The following RSRC1 variants were observed in gnomAD, a reference collection of about 807,000 sequenced individuals.
RSRC1 encodes serine/Arginine-related protein 53.
In RSRC1, 39 loss-of-function variants were observed where a neutral mutation model predicts 49.1. The ratio of observed to expected loss-of-function variants is 0.79; its 90% confidence interval spans 0.61 to 1.04. RSRC1 has a LOEUF of 1.04. Among genes scored for constraint, RSRC1 ranks in the 50% least tolerant of loss-of-function variants. The pLI, the probability that RSRC1 is intolerant of heterozygous loss-of-function variation, is 0.00. For missense variants in RSRC1, 388 were observed against 402.4 expected, an observed-to-expected ratio of 0.96 and a Z score of 0.31; for synonymous variants, 143 against 130.8, an observed-to-expected ratio of 1.09 and a Z score of -0.63.
chr3:158,245,525 C>T (rs1723840889), intron 4 of RSRC1, among the ~76,000 whole-genome samples: 1 of 152,064 alleles, frequency 6.6e-6, no homozygotes, highest in Non-Finnish European at 1.5e-5. Flanking sequence ...TCTATGGATA[C>T]CTATCAGGTC....
At chr3:158,123,439 T>C (rs1233068617) in intron 2 of RSRC1, among the ~76,000 whole-genome samples, 3 of 152,214 alleles carry the variant, frequency 2.0e-5, no homozygotes, top group Non-Finnish European at 4.4e-5. Flanking sequence ...TAGAGGCATG[T>C]GCCACCATGC....
At chr3:158,122,756 T>C (rs982132587) in intron 2 of RSRC1, among the ~76,000 whole-genome samples, 2 of 146,510 alleles carry the variant, frequency 1.4e-5, no homozygotes, top group African/African-American at 5.0e-5. Context: ...CAGGCCCCAG[T>C]GTGTGATGTT....
In RSRC1 at chr3:158,203,242, G is replaced by C. The variant is rs560342468; in HGVS notation, c.491G>C (p.Arg164Pro). Residue 164 changes from arginine to proline, a missense_variant, in exon 4 of 10, where the codon CGT becomes CCT. Coordinates refer to ENST00000611884, the MANE Select transcript of RSRC1 (RefSeq NM_001271838.2). ...GACAAGGAATTACATAACATCAAAC[G>C]TGGGTAAGTTGGAGCAAATCTTATC... Reference protein sequence around the residue: ...GKDKELHNIKRGESGNIKAGL... With the variant: ...GKDKELHNIKPGESGNIKAGL... 3.2e-6 allele frequency: 5 copies of C among 1,578,284 alleles called. No individual in the cohort carries two copies. The highest frequency in any genetic ancestry group is 4.3e-6 in the Non-Finnish European group (5 of 1,160,852).
chr3:158,227,075 G>C (rs1345675898), intron 4 of RSRC1, among the ~76,000 whole-genome samples: 1 of 151,788 alleles, frequency 6.6e-6, no homozygotes, highest in Non-Finnish European at 1.5e-5. Context: ...TTGTTGGGTT[G>C]GTTTAGCTTT....
At chr3:158,508,480 T>C (rs989341714) in intron 7 of RSRC1, among the ~76,000 whole-genome samples, 2 of 152,084 alleles carry the variant, frequency 1.3e-5, no homozygotes, top group Non-Finnish European at 2.9e-5. Flanking sequence ...TCGTACCTAA[T>C]GAGTGTCACC....
intron 1 of RSRC1, among the ~76,000 whole-genome samples, chr3:158,120,600 A>G (rs1715185977): frequency 1.4e-5 from 2 of 147,260 alleles, no homozygotes; most frequent in South Asian, 2.1e-4. Flanking sequence ...TAAGTATTAT[A>G]TAGTTAATAT....
intron 4 of RSRC1, among the ~76,000 whole-genome samples, chr3:158,229,941 C>T (rs1323595310): frequency 2.6e-5 from 4 of 151,910 alleles, no homozygotes; most frequent in South Asian, 2.1e-4. Flanking sequence ...TTTTCTAAGC[C>T]GGAGTTCATA....
intron 3 of RSRC1, among the ~76,000 whole-genome samples, chr3:158,131,014 A>G (rs1049651720): frequency 1.1e-4 from 16 of 152,092 alleles, no homozygotes; most frequent in African/African-American, 3.9e-4. Context: ...TCTAGGATCT[A>G]CTTCTATGCT....
intron 4 of RSRC1, among the ~76,000 whole-genome samples, chr3:158,222,366 G>A (rs968256506): frequency 2.0e-5 from 3 of 151,450 alleles, no homozygotes; most frequent in African/African-American, 7.3e-5. Context: ...TAATAGCAAT[G>A]TATTATACAC....
intron 4 of RSRC1, among the ~76,000 whole-genome samples, chr3:158,233,340 G>T (rs1343854252): frequency 6.6e-6 from 1 of 152,040 alleles, no homozygotes; most frequent in Non-Finnish European, 1.5e-5. Context: ...TGTCTTTGTG[G>T]TTACTCTTAG....
chr3:158,446,441 A>G (rs533892199), intron 6 of RSRC1, among the ~76,000 whole-genome samples: 1 of 151,850 alleles, frequency 6.6e-6, no homozygotes, highest in Non-Finnish European at 1.5e-5. Context: ...TATCATCAAA[A>G]CCATTTCAAG....
intron 3 of RSRC1, among the ~76,000 whole-genome samples, chr3:158,150,859 A>G (rs926143736): frequency 6.6e-6 from 1 of 152,164 alleles, no homozygotes; most frequent in African/African-American, 2.4e-5. Context: ...TGTGTAAGAT[A>G]TTATTTGGGC....
intron 6 of RSRC1, among the ~76,000 whole-genome samples, chr3:158,357,645 T>G (rs971617962): frequency 4.7e-5 from 7 of 150,158 alleles, no homozygotes; most frequent in African/African-American, 1.8e-4. Context: ...ATTATATTAT[T>G]AAAAATAAGC....
intron 3 of RSRC1, among the ~76,000 whole-genome samples, chr3:158,147,102 C>CTTTTTTTTTTTTTCTTTTTTT (rs1717182475): frequency 2.9e-5 from 1 of 34,734 alleles, no homozygotes; most frequent in African/African-American, 1.5e-4. Context: ...GCTTTTCTGC[C>CTTTTTTTTTTTTTCTTTTTTT]TTTTTTTTTT....
In RSRC1 at chr3:158,276,613, T is replaced by A. The variant is rs557523306; in HGVS notation, c.495-21426T>A. Among the ~76,000 whole-genome samples the A allele has an allele frequency of 2.6e-5, 4 of 152,318 alleles. No individual in the cohort carries two copies. The South Asian group carries it at 8.3e-4, about 32-fold the overall frequency. ...TTTGTCTTATTGGTCCTATACTTTA[T>A]TTATTTTTTTAAATAATCATTTTCT... On this transcript the variant is annotated intron_variant, in intron 4 of 9. Transcript: ENST00000611884.
intron 6 of RSRC1, among the ~76,000 whole-genome samples, chr3:158,447,140 G>C (rs1736766338): frequency 6.6e-6 from 1 of 151,930 alleles, no homozygotes; most frequent in Admixed American, 6.6e-5. Context: ...AAGCTCCTTT[G>C]GGGAAAATTT....
intron 3 of RSRC1, among the ~76,000 whole-genome samples, chr3:158,125,085 C>T (rs1715529421): frequency 6.6e-6 from 1 of 152,088 alleles, no homozygotes; most frequent in South Asian, 2.1e-4. Context: ...TTCCAAAGTG[C>T]TGGCATTATA....
At chr3:158,520,980 A>G (rs185039651) in intron 7 of RSRC1, among the ~76,000 whole-genome samples, 1 of 152,280 alleles carries the variant, frequency 6.6e-6, no homozygotes, top group East Asian at 1.9e-4. Flanking sequence ...GTAGTTACAG[A>G]TACTACAAAC....
intron 5 of RSRC1, among the ~76,000 whole-genome samples, chr3:158,320,794 C>G (rs1374643250): frequency 6.6e-6 from 1 of 152,110 alleles, no homozygotes; most frequent in Non-Finnish European, 1.5e-5. Context: ...TCTAGCCCTT[C>G]CCGTCACCCA....
Sources: gnomAD v4.1 joint callset for allele counts (sites outside exome capture counted in the v4.1 genomes callset) on GRCh38, gnomAD v4.1.1 for gene constraint, MANE v1.5 for transcripts, NCBI Gene and HGNC (gene_info 2026-07-23, HGNC 2026-07-21) for gene names.